Variants in RPS6KA2 observed in about 807,000 individuals in gnomAD.
The protein encoded by RPS6KA2 is ribosomal protein S6 kinase A2, also known as ribosomal protein S6 kinase alpha-2.
In RPS6KA2, 42 loss-of-function variants were observed where a neutral mutation model predicts 91.8. The observed-to-expected ratio is 0.46, with a 90% CI of 0.36 to 0.59. The LOEUF is 0.59. Among genes scored for constraint, RPS6KA2 ranks in the 20% least tolerant of loss-of-function variants. The pLI is 0.00. For missense variants in RPS6KA2, 798 were observed against 978.5 expected (o/e 0.82, Z 2.46); for synonymous variants, 414 against 393.6 (o/e 1.05, Z -0.61).
chr6:166,689,695 G>A (rs1789143954), intron 2 of RPS6KA2, among the ~76,000 whole-genome samples: 1 of 152,104 alleles, frequency 6.6e-6, no homozygotes, highest in African/African-American at 2.4e-5. Context: ...TGAAGCCTCG[G>A]GCATTTTAAT....
intron 1 of RPS6KA2, among the ~76,000 whole-genome samples, chr6:166,550,797 T>C (rs564958710): frequency 2.0e-5 from 3 of 152,020 alleles, no homozygotes; most frequent in Admixed American, 6.6e-5. Context: ...GGTCAGGAGA[T>C]CGACACCATC....
chr6:166,568,284 T>C (rs1320265877), intron 1 of RPS6KA2, among the ~76,000 whole-genome samples: 1 of 152,190 alleles, frequency 6.6e-6, no homozygotes, highest in African/African-American at 2.4e-5. Flanking sequence ...GAAAGCCTGT[T>C]CTCAGAGGAC....
chr6:166,842,189 G>C (rs565676893), intron 2 of RPS6KA2, among the ~76,000 whole-genome samples: 38 of 152,324 alleles, frequency 2.5e-4, no homozygotes, highest in African/African-American at 8.7e-4. Context: ...CCCAAGCACA[G>C]TATCTGCTAG....
chr6:166,486,039 G>C (rs930438939), intron 10 of RPS6KA2, among the ~76,000 whole-genome samples: 1 of 152,196 alleles, frequency 6.6e-6, no homozygotes, highest in African/African-American at 2.4e-5. Context: ...CCAAGGTGCA[G>C]ACAGCTTTAG....
At chr6:166,430,294 C>T (rs550897061) in intron 16 of RPS6KA2, among the ~76,000 whole-genome samples, 159 bp downstream of exon 16, 1 of 152,180 alleles carries the variant, frequency 6.6e-6, no homozygotes, top group South Asian at 2.1e-4. Flanking sequence ...TTCCCTTGCA[C>T]CGTCACTGAG....
At chr6:166,545,251 T>C (rs1376162791) in intron 1 of RPS6KA2, among the ~76,000 whole-genome samples, 1 of 152,202 alleles carries the variant, frequency 6.6e-6, no homozygotes, top group African/African-American at 2.4e-5. Flanking sequence ...GGGAAAGCAA[T>C]GTGCAGGAAC....
chr6:166,727,395 T>C (rs773596370), intron 2 of RPS6KA2, among the ~76,000 whole-genome samples: 4 of 151,746 alleles, frequency 2.6e-5, no homozygotes, highest in Non-Finnish European at 5.9e-5. Flanking sequence ...GTTCCTGAGG[T>C]TTGGAAGATG....
In RPS6KA2 at chr6:166,418,288, C is replaced by G; in HGVS notation, c.1875G>C (p.Arg625=). Residue 625 remains arginine (R), a synonymous_variant, in exon 19 of 21, where the codon CGG becomes CGC. Transcript: ENST00000265678. This position sits in a 1 kb window ranked among gnomAD's most constrained non-coding sequence, Gnocchi z 4.9. ...PDDTPEEILA[R]IGSGKYALSG... is the part of the protein sequence containing the mutation. ...AAAGGGCATACTTCCCACTGCCGAT[C>G]CGCGCCAGAATCTCCTCAGGGGTAT... The G allele has an allele frequency of 6.2e-7, 1 of 1,614,142 alleles. No individual in the cohort carries two copies. Among genetic ancestry groups the G allele is most frequent in the Admixed American group, 1.7e-5 (1 of 60,000 alleles).
intron 1 of RPS6KA2, among the ~76,000 whole-genome samples, chr6:166,615,389 G>A (rs1695827122): frequency 6.6e-6 from 1 of 152,240 alleles, no homozygotes; most frequent in African/African-American, 2.4e-5. Context: ...GAAACGTAGA[G>A]GAAGAAGATG....
At chr6:166,527,811 C>A (rs1402304235) in intron 3 of RPS6KA2, among the ~76,000 whole-genome samples, 1 of 152,232 alleles carries the variant, frequency 6.6e-6, no homozygotes, top group Non-Finnish European at 1.5e-5. Context: ...ACCCGTGCGG[C>A]TTGGTGCCTG....
At chr6:166,721,904 C>T (rs1387365050) in intron 2 of RPS6KA2, among the ~76,000 whole-genome samples, 2 of 152,210 alleles carry the variant, frequency 1.3e-5, no homozygotes, top group African/African-American at 4.8e-5. Flanking sequence ...CAAAAATAGC[C>T]TGATTCCTAT....
chr6:166,471,405 G>A (rs1282603996), intron 10 of RPS6KA2, among the ~76,000 whole-genome samples: 1 of 152,264 alleles, frequency 6.6e-6, no homozygotes, highest in African/African-American at 2.4e-5. Context: ...GCGCCTCTAG[G>A]TGGTCAACGG....
rs542831316 is a variant in RPS6KA2, at chr6:166,567,687, G to T, written c.100-28903C>A. Among the ~76,000 whole-genome samples, 14 of 152,214 alleles carry T rather than the reference G, an allele frequency of 9.2e-5. No individual in the cohort carries two copies. The South Asian group carries it at 2.1e-3, about 23-fold the overall frequency. The stretch of plus-strand genomic sequence containing the variant: ...TATCACTGAACTGAGCTGGGGTTTC[G>T]AACAGAGCTGGGATTGAGATAAATC... On this transcript the variant is annotated intron_variant, in intron 1 of 20. Coordinates refer to ENST00000265678, the MANE Select transcript of RPS6KA2 (RefSeq NM_021135.6).
chr6:166,622,408 C>T (rs1384698642), intron 1 of RPS6KA2, among the ~76,000 whole-genome samples: 1 of 151,966 alleles, frequency 6.6e-6, no homozygotes, highest in South Asian at 2.1e-4. Context: ...CTAATATGGA[C>T]TATTTATTGT....
At chr6:166,740,003 C>G (rs1181931064) in intron 2 of RPS6KA2, among the ~76,000 whole-genome samples, 1 of 152,254 alleles carries the variant, frequency 6.6e-6, no homozygotes, top group Non-Finnish European at 1.5e-5. Context: ...TATGGGACAC[C>G]TACCAGGGCT....
intron 1 of RPS6KA2, among the ~76,000 whole-genome samples, chr6:166,593,705 T>G (rs1273203428): frequency 6.6e-6 from 1 of 150,898 alleles, no homozygotes; most frequent in African/African-American, 2.4e-5. Flanking sequence ...TATAAAGAGC[T>G]CTTACGAATC....
At chr6:166,708,472 A>G (rs1468051895) in intron 2 of RPS6KA2, among the ~76,000 whole-genome samples, 1 of 152,230 alleles carries the variant, frequency 6.6e-6, no homozygotes, top group Non-Finnish European at 1.5e-5. Context: ...CACCAAAGAA[A>G]CTGCTTTATC....
intron 1 of RPS6KA2, among the ~76,000 whole-genome samples, chr6:166,597,921 G>A (rs1053551099): frequency 6.6e-6 from 1 of 152,204 alleles, no homozygotes; most frequent in African/African-American, 2.4e-5. Flanking sequence ...CCCAGTTCCT[G>A]TCAGAACCAC....
At chr6:166,687,692 G>A (rs1292822991) in intron 2 of RPS6KA2, among the ~76,000 whole-genome samples, 2 of 152,216 alleles carry the variant, frequency 1.3e-5, no homozygotes, top group African/African-American at 4.8e-5. Context: ...GATTTTCTGT[G>A]CTGAAGAGCA....
Sources: gnomAD v4.1 joint callset for allele counts (sites outside exome capture counted in the v4.1 genomes callset) on GRCh38, gnomAD v4.1.1 for gene constraint, Gnocchi (gnomAD v3.1) non-coding constraint, MANE v1.5 for transcripts, NCBI Gene and HGNC (gene_info 2026-07-23, HGNC 2026-07-21) for gene names.